UGP2: variants seen among roughly 807,000 people sequenced by gnomAD.
The protein encoded by UGP2 is UTP--glucose-1-phosphate uridylyltransferase.
UGP2 carries 40 observed loss-of-function variants against 49.0 expected under a neutral mutation model. The ratio of observed to expected loss-of-function variants is 0.82; its 90% CI spans 0.63 to 1.06. The LOEUF is 1.06. Ranked by LOEUF, UGP2 falls within the 50% of genes least tolerant of loss-of-function variation. The pLI is 0.00. For missense variants in UGP2, 460 were observed against 603.5 expected, an observed-to-expected ratio of 0.76 and a Z score of 2.49; for synonymous variants, 225 against 213.0, an observed-to-expected ratio of 1.06 and a Z score of -0.49.
At chr2:63,848,980 T>G (rs901347714) in intron 1 of UGP2, among the ~76,000 whole-genome samples, 1 of 152,260 alleles carries the variant, frequency 6.6e-6, no homozygotes, top group African/African-American at 2.4e-5. Flanking sequence ...CAATCCATTT[T>G]ACAATTAAGG....
intron 3 of UGP2, among the ~76,000 whole-genome samples, chr2:63,871,907 AG>A (rs1670581434): frequency 6.6e-6 from 1 of 152,236 alleles, no homozygotes. Flanking sequence ...TTCTTAAATC[AG>A]GGGTTGGCAA....
At chr2:63,875,846 T>C (rs2104334489) in intron 3 of UGP2, among the ~76,000 whole-genome samples, 1 of 152,306 alleles carries the variant, frequency 6.6e-6, no homozygotes, top group African/African-American at 2.4e-5. Flanking sequence ...ATTTTATTCA[T>C]GTTTTGGGAA....
chr2:63,881,458 T>C (rs1478694669), intron 3 of UGP2, among the ~76,000 whole-genome samples: 1 of 152,210 alleles, frequency 6.6e-6, no homozygotes, highest in Non-Finnish European at 1.5e-5. Context: ...CAGTCCATTA[T>C]GTGTTAGCTG....
At chr2:63,851,042 A>T (rs536907887) in intron 1 of UGP2, among the ~76,000 whole-genome samples, 1 of 152,328 alleles carries the variant, frequency 6.6e-6, no homozygotes, top group Admixed American at 6.5e-5. Context: ...AATTTTTAAA[A>T]TTATGATGTT....
At chr2:63,882,688 A>G (rs930076070) in intron 4 of UGP2, 37 bp downstream of exon 4, 1 of 1,456,804 alleles carries the variant, frequency 6.9e-7, no homozygotes, top group South Asian at 1.7e-5. Context: ...AGATACTAAA[A>G]TAGTTTTTAG....
chr2:63,844,111 T>G (rs1671764759), intron 1 of UGP2, among the ~76,000 whole-genome samples: 1 of 152,230 alleles, frequency 6.6e-6, no homozygotes, highest in Non-Finnish European at 1.5e-5. Context: ...TGGGCAGTTT[T>G]GCACAAGAAT....
At chr2:63,858,254 C>T (rs1394281048) in intron 3 of UGP2, among the ~76,000 whole-genome samples, 2 of 152,216 alleles carry the variant, frequency 1.3e-5, no homozygotes, top group Non-Finnish European at 2.9e-5. Flanking sequence ...TTTCTTCCTT[C>T]TCTCTCCCAA....
At chr2:63,884,149 T>C (rs1671503297) in intron 5 of UGP2, 56 bp downstream of exon 5, 1 of 1,594,532 alleles carries the variant, frequency 6.3e-7, no homozygotes, top group African/African-American at 1.3e-5. Flanking sequence ...AGGACTTCTT[T>C]ATCTTGTTTA....
chr2:63,884,993 CTTTTTTTTTTTTTTTTTTT>C (rs528966512), intron 5 of UGP2, among the ~76,000 whole-genome samples: 1 of 23,148 alleles, frequency 4.3e-5, no homozygotes, highest in South Asian at 2.1e-3. Context: ...CCCATGGTTA[CTTTTTTTTTTTTTTTTTTT>C]TTTTTTTTTT....
At chr2:63,846,016 C>G (rs1337877241) in intron 1 of UGP2, 1 of 152,232 alleles carries the variant, frequency 6.6e-6, no homozygotes, top group African/African-American at 2.4e-5. Context: ...CCCTCAGGCA[C>G]TTAACATTCC....
At chr2:63,863,753 G>T (rs1348594229) in intron 3 of UGP2, among the ~76,000 whole-genome samples, 1 of 152,150 alleles carries the variant, frequency 6.6e-6, no homozygotes, top group African/African-American at 2.4e-5. Flanking sequence ...GAAGGACAAG[G>T]TAATAACTAA....
intron 3 of UGP2, among the ~76,000 whole-genome samples, chr2:63,865,459 A>G (rs1333558728): frequency 6.6e-6 from 1 of 151,836 alleles, no homozygotes; most frequent in Non-Finnish European, 1.5e-5. Flanking sequence ...GGTTCAGGAG[A>G]TATTTCACTA....
chr2:63,844,653 C>T (rs1000712268), intron 1 of UGP2, among the ~76,000 whole-genome samples: 2 of 152,184 alleles, frequency 1.3e-5, no homozygotes, highest in Admixed American at 6.5e-5. Flanking sequence ...CCTTGATCTC[C>T]TTGGCTTAAG....
At chr2:63,865,520 A>G (rs948708150) in intron 3 of UGP2, among the ~76,000 whole-genome samples, 3 of 148,428 alleles carry the variant, frequency 2.0e-5, no homozygotes, top group Non-Finnish European at 4.4e-5. Context: ...CATTCTCAGA[A>G]TGCTTGGGTC....
chr2:63,841,125 AAG>A (rs771441375), upstream of UGP2: 31 of 149,712 alleles, frequency 2.1e-4, no homozygotes, highest in Middle Eastern at 3.4e-3. Context: ...TGTGTGAGGG[AAG>A]AGAGAGAGAG....
At position 63,856,316 on chromosome 2, in the gene UGP2, A is replaced by C. The variant is rs769279772; in HGVS notation, c.30A>C (p.Lys10Asn). Residue 10 changes from lysine (K) to asparagine (N), a missense_variant, in exon 2 of 10, where the codon AAA (lysine) becomes AAC (asparagine). Lys to Asn is a moderately conservative substitution (Grantham distance 94). Coordinates refer to ENST00000337130, the MANE Select transcript of UGP2 (RefSeq NM_006759.4). The stretch of plus-strand genomic sequence containing the variant: ...TGTTTTTGTTTTAAGATCTTAGCAA[A>C]GCAATGTCTCAAGATGGTGCTTCTC... MSRFVQDLS[K>N]AMSQDGASQF... 1 of 1,612,816 alleles carries C rather than the reference A, an allele frequency of 6.2e-7. No individual in the cohort carries two copies. The highest frequency in any genetic ancestry group is 8.5e-7 in the Non-Finnish European group (1 of 1,179,684).
rs757030247 is a variant in UGP2, at chr2:63,864,011, A to G, written c.255+6075A>G. Among the ~76,000 whole-genome samples, 26 of 152,222 alleles carry G rather than the reference A, an allele frequency of 1.7e-4. 1 individual carries two copies. The highest frequency in any genetic ancestry group is 3.3e-4 in the Admixed American group (5 of 15,280). On this transcript the variant is annotated intron_variant, in intron 3 of 9. Coordinates refer to ENST00000337130, the MANE Select transcript of UGP2 (RefSeq NM_006759.4). ...CTCTTATTTCAAAAGAACAAGAAACACCATTTCAAAGGGTTTTTTGGTTTT... is the reference window on the plus strand; with the variant it reads ...CTCTTATTTCAAAAGAACAAGAAACGCCATTTCAAAGGGTTTTTTGGTTTT...
Position 63,891,232 on chromosome 2 carries a change from A to C in UGP2, c.*5A>C, listed in dbSNP as rs766642875. On this transcript the variant is annotated 3_prime_UTR_variant, in exon 10 of 10. Coordinates refer to ENST00000337130, the MANE Select transcript of UGP2 (RefSeq NM_006759.4). ...CTTCGCATCTTGGACCACTGAAATG[A>C]AAAATACTGTGGACACTTAAATAAT... is the stretch of plus-strand genomic sequence containing the variant. The C allele has an allele frequency of 6.2e-7, 1 of 1,607,224 alleles. No homozygotes were observed. The highest frequency in any genetic ancestry group is 2.2e-5 in the East Asian group (1 of 44,774).
At chr2:63,876,539 A>T (rs1670917377) in intron 3 of UGP2, among the ~76,000 whole-genome samples, 1 of 152,228 alleles carries the variant, frequency 6.6e-6, no homozygotes, top group Admixed American at 6.5e-5. Flanking sequence ...TCTGTGGTTA[A>T]CAAATTCCTC....
Sources: gnomAD v4.1 joint callset for allele counts (sites outside exome capture counted in the v4.1 genomes callset) on GRCh38, gnomAD v4.1.1 for gene constraint, MANE v1.5 for transcripts, NCBI Gene and HGNC (gene_info 2026-07-23, HGNC 2026-07-21) for gene names.